The following IARS2 variants were observed in gnomAD, a reference collection of about 807,000 sequenced individuals.
IARS2 encodes the protein isoleucine--tRNA ligase, mitochondrial.
In IARS2, 56 loss-of-function variants were observed where a neutral mutation model predicts 126.3. The observed-to-expected ratio is 0.44, with a 90% CI of 0.36 to 0.55. The LOEUF is 0.55. Among genes scored for constraint, IARS2 ranks in the 20% least tolerant of loss-of-function variants. IARS2 has a pLI of 0.00. For synonymous variants in IARS2, 407 were observed against 441.1 expected (o/e 0.92, Z 0.97); for missense variants, 1,127 against 1,245.9 (o/e 0.90, Z 1.44).
At position 220,104,565 on chromosome 1, in the gene IARS2, G is replaced by T. The variant is rs546223317; in HGVS notation, c.1066+1003G>T. Among the ~76,000 whole-genome samples, 100 of 151,336 alleles carry T rather than the reference G, an allele frequency of 6.6e-4. 2 individuals carry two copies. The highest frequency in any genetic ancestry group is 6.1e-3 in the Admixed American group (92 of 15,186). ...TGCTGGACTAATTTTTAATTTTTTT[G>T]GTAGAGATGAGGTCTTGCTACATTG... On this transcript the variant is annotated intron_variant, in intron 8 of 22. Coordinates refer to ENST00000366922, the MANE Select transcript of IARS2 (RefSeq NM_018060.4).
intron 2 of IARS2, among the ~76,000 whole-genome samples, chr1:220,097,510 C>G (rs576776335): frequency 3.6e-4 from 55 of 151,726 alleles, no homozygotes; most frequent in African/African-American, 1.2e-3. Flanking sequence ...ACTACAGGCG[C>G]CTGCCACCAC....
At chr1:220,114,205 G>A in intron 11 of IARS2, 109 bp from the exon 12 acceptor site, 3 of 950,304 alleles carry the variant, frequency 3.2e-6, no homozygotes, top group Non-Finnish European at 5.0e-6. Flanking sequence ...AGGGAGGTAT[G>A]TGAATGGCTA....
At chr1:220,117,784 T>C in intron 12 of IARS2, 1 of 462,152 alleles carries the variant, frequency 2.2e-6, no homozygotes, top group Non-Finnish European at 4.4e-6. Context: ...ATTTACATGG[T>C]AGTGTTACAG....
intron 12 of IARS2, among the ~76,000 whole-genome samples, chr1:220,121,800 T>C (rs1257801279): frequency 1.3e-5 from 2 of 152,294 alleles, no homozygotes; most frequent in African/African-American, 2.4e-5. Flanking sequence ...TTCTAAAATA[T>C]GGATGTGGAG....
chr1:220,096,938 CGG>C (rs1656456325), intron 2 of IARS2, among the ~76,000 whole-genome samples: 1 of 151,684 alleles, frequency 6.6e-6, no homozygotes. Context: ...CCCAGCTACT[CGG>C]GAGGCTGAGG....
intron 15 of IARS2, 106 bp downstream of exon 15, chr1:220,134,616 G>A: frequency 3.6e-6 from 2 of 559,370 alleles, no homozygotes; most frequent in Middle Eastern, 5.6e-4. Context: ...TGCTTACAGT[G>A]TCCTGTAAGA....
At chr1:220,114,138 T>C (rs1656867856) in intron 11 of IARS2, among the ~76,000 whole-genome samples, 176 bp from the exon 12 acceptor site, 1 of 152,218 alleles carries the variant, frequency 6.6e-6, no homozygotes, top group South Asian at 2.1e-4. Context: ...ATTTTTACTT[T>C]GCCTTATTTG....
chr1:220,101,995 C>T (rs1451479522), intron 3 of IARS2, 134 bp from the exon 4 acceptor site: 9 of 760,260 alleles, frequency 1.2e-5, no homozygotes, highest in Middle Eastern at 3.8e-4. Flanking sequence ...TGGGTGACAG[C>T]GAGACTGTGT....
At chr1:220,145,367 C>A in intron 21 of IARS2, 142 bp from the exon 22 acceptor site, 1 of 616,976 alleles carries the variant, frequency 1.6e-6, no homozygotes, top group Non-Finnish European at 2.7e-6. Flanking sequence ...AGGATTGATA[C>A]ATTTAGTGAT....
chr1:220,096,268 A>T (rs1228621521), intron 2 of IARS2, 42 bp downstream of exon 2: 1 of 1,283,800 alleles, frequency 7.8e-7, no homozygotes. Flanking sequence ...GAAAGTGTTT[A>T]TGTAAATACT....
rs530049817 is a variant in IARS2, at chr1:220,125,224, C to T, written c.1641-13C>T. 92 of 1,510,656 alleles carry T rather than the reference C, an allele frequency of 6.1e-5. 2 individuals are homozygous for T. In the South Asian group the frequency reaches 1.0e-3, roughly 17 times the overall value. The allele number at this position is 1,510,656 out of a possible 1,614,324, so 93.6% of individuals were successfully genotyped here. ...GTTAATTGAATAATTCTGCCATGTC[C>T]CCCCTGAAATAGCCAAACCACTGAG... is the stretch of plus-strand genomic sequence containing the variant. On this transcript the variant is annotated splice_polypyrimidine_tract_variant and intron_variant, in intron 12 of 22. Transcript: ENST00000366922.
intron 12 of IARS2, among the ~76,000 whole-genome samples, chr1:220,123,610 A>T (rs1393377684): frequency 6.6e-6 from 1 of 152,078 alleles, no homozygotes; most frequent in African/African-American, 2.4e-5. Context: ...GGTAGCTGGG[A>T]CTACAGGCGC....
At chr1:220,108,396 T>A (rs1341084839) in intron 10 of IARS2, among the ~76,000 whole-genome samples, 1 of 146,498 alleles carries the variant, frequency 6.8e-6, no homozygotes, top group Non-Finnish European at 1.5e-5. Context: ...TTATTTTTAT[T>A]TTTTTTTTAA....
intron 1 of IARS2, among the ~76,000 whole-genome samples, chr1:220,094,733 A>C (rs1472791700): frequency 2.6e-5 from 4 of 152,228 alleles, no homozygotes; most frequent in African/African-American, 7.2e-5. Context: ...AGCGATGCCC[A>C]GTTACCAGCA....
chr1:220,123,912 T>G (rs908522460), intron 12 of IARS2, among the ~76,000 whole-genome samples: 1 of 152,276 alleles, frequency 6.6e-6, no homozygotes, highest in African/African-American at 2.4e-5. Context: ...TACATAGTAT[T>G]TATTCAAATG....
intron 2 of IARS2, among the ~76,000 whole-genome samples, chr1:220,098,501 A>G (rs2102816585): frequency 6.6e-6 from 1 of 152,142 alleles, no homozygotes. Context: ...TTTTTTCTCC[A>G]TAGTGTGTGA....
intron 2 of IARS2, 96 bp downstream of exon 2, chr1:220,096,322 TAG>T: frequency 2.4e-6 from 2 of 844,616 alleles, no homozygotes; most frequent in Non-Finnish European, 3.4e-6. Flanking sequence ...TATGTAAATT[TAG>T]ATTTGCACAT....
chr1:220,094,236 C>G lies in IARS2; in HGVS notation c.20C>G (p.Pro7Arg). Residue 7 changes from proline to arginine, a missense_variant, in exon 1 of 23, where the codon CCT becomes CGT. Pro to Arg is a moderately radical substitution (Grantham distance 103). Coordinates refer to ENST00000366922, the MANE Select transcript of IARS2 (RefSeq NM_018060.4). MRWGLR[P>R]RGPGAAALAT... ...CGGACCATGCGTTGGGGGCTGCGCC[C>G]TCGCGGGCCGGGCGCGGCCGCCCTG... 1 of 1,593,610 alleles carries G rather than the reference C, an allele frequency of 6.3e-7. No homozygotes were observed. Among genetic ancestry groups the G allele is most frequent in the Non-Finnish European group, 8.5e-7 (1 of 1,170,698 alleles).
chr1:220,110,915 C>G lies in IARS2; in HGVS notation c.1457C>G (p.Thr486Arg). The stretch of plus-strand genomic sequence containing the variant: ...AGCAAGCAGTGGTTTATAAACATCA[C>G]GGATATTAAGACTGCAGCCAAGGTA... ...RASKQWFINITDIKTAAKELL... is the reference protein window; with the variant it reads ...RASKQWFINIRDIKTAAKELL... The change falls in exon 11 of 23, where the codon ACG becomes AGG. Residue 486 changes from threonine to arginine, a missense_variant. Coordinates refer to ENST00000366922, the MANE Select transcript of IARS2 (RefSeq NM_018060.4). 1 of 1,612,792 alleles carries G rather than the reference C, an allele frequency of 6.2e-7. No individual in the cohort carries two copies. The highest frequency in any genetic ancestry group is 8.5e-7 in the Non-Finnish European group (1 of 1,179,730).
Sources: allele counts gnomAD v4.1 joint callset (sites outside exome capture counted in the v4.1 genomes callset), GRCh38; gene constraint gnomAD v4.1.1; transcripts MANE v1.5; gene names NCBI Gene and HGNC (gene_info 2026-07-23, HGNC 2026-07-21).